The following KCNT2 variants were observed in gnomAD, a reference collection of about 807,000 sequenced individuals.
KCNT2 encodes the protein potassium channel subfamily T member 2.
In KCNT2, 67 loss-of-function variants were observed where a neutral mutation model predicts 153.8. The observed-to-expected ratio is 0.44, with a 90% CI of 0.36 to 0.53. KCNT2 has a LOEUF of 0.53. Among genes scored for constraint, KCNT2 ranks in the 20% least tolerant of loss-of-function variants. The pLI is 0.00. For synonymous variants in KCNT2, 500 were observed against 458.8 expected (o/e 1.09, Z -1.15); for missense variants, 975 against 1,354.8 (o/e 0.72, Z 4.40).
chr1:196,559,549 T>G (rs1401687037), intron 1 of KCNT2, among the ~76,000 whole-genome samples: 2 of 151,758 alleles, frequency 1.3e-5, no homozygotes, highest in Admixed American at 6.6e-5. Flanking sequence ...CAAATCTTTT[T>G]GCAAAGGGTT....
At chr1:196,310,213 C>T (rs138536968) in intron 21 of KCNT2, among the ~76,000 whole-genome samples, 1 of 151,774 alleles carries the variant, frequency 6.6e-6, no homozygotes, top group East Asian at 1.9e-4. Context: ...TTCTGATTTG[C>T]CATGGTAGCT....
intron 14 of KCNT2, among the ~76,000 whole-genome samples, chr1:196,369,002 C>G (rs1363150332): frequency 6.6e-6 from 1 of 152,088 alleles, no homozygotes; most frequent in Non-Finnish European, 1.5e-5. Context: ...ACACTCATAT[C>G]TAATCAGTGG....
At chr1:196,326,385 G>A (rs913177068) in intron 19 of KCNT2, among the ~76,000 whole-genome samples, 3 of 152,050 alleles carry the variant, frequency 2.0e-5, no homozygotes, top group African/African-American at 7.2e-5. Flanking sequence ...AGTTTTGGCA[G>A]AGATTTGTCA....
At chr1:196,313,120 A>G (rs1662351774) in intron 21 of KCNT2, among the ~76,000 whole-genome samples, 1 of 151,722 alleles carries the variant, frequency 6.6e-6, no homozygotes, top group African/African-American at 2.4e-5. Context: ...GACTGATCAT[A>G]GATTTGAATC....
chr1:196,529,482 ATCT>A (rs1654666986), intron 1 of KCNT2, among the ~76,000 whole-genome samples: 1 of 152,138 alleles, frequency 6.6e-6, no homozygotes, highest in East Asian at 1.9e-4. Context: ...AGACATTATG[ATCT>A]TCTGCTCAGA....
intron 8 of KCNT2, among the ~76,000 whole-genome samples, chr1:196,455,473 A>G (rs1676582317): frequency 6.6e-6 from 1 of 151,938 alleles, no homozygotes; most frequent in Non-Finnish European, 1.5e-5. Flanking sequence ...TTTTTTTCTA[A>G]TATTTTAATC....
intron 8 of KCNT2, among the ~76,000 whole-genome samples, chr1:196,459,906 G>A (rs1352751702): frequency 6.6e-6 from 1 of 151,682 alleles, no homozygotes; most frequent in Non-Finnish European, 1.5e-5. Context: ...CCAAATCAGG[G>A]AAACTGATTT....
At chr1:196,458,992 C>T (rs1015994079) in intron 8 of KCNT2, among the ~76,000 whole-genome samples, 1 of 151,782 alleles carries the variant, frequency 6.6e-6, no homozygotes, top group Non-Finnish European at 1.5e-5. Context: ...TCAGTGAATA[C>T]CAATTAAATT....
chr1:196,578,386 C>A (rs1661623399), intron 1 of KCNT2, among the ~76,000 whole-genome samples: 1 of 152,120 alleles, frequency 6.6e-6, no homozygotes, highest in Admixed American at 6.6e-5. Context: ...AGGATTGGTG[C>A]AAAAAATAGA....
chr1:196,258,434 G>A lies in KCNT2; in HGVS notation c.2971C>T (p.His991Tyr). The A allele has an allele frequency of 6.2e-7, 1 of 1,613,736 alleles. No homozygotes were observed. Among genetic ancestry groups the A allele is most frequent in the Non-Finnish European group, 8.5e-7 (1 of 1,179,940 alleles). The change falls in exon 26 of 28, where the codon CAC (histidine) becomes TAC (tyrosine). Residue 991 changes from histidine (H) to tyrosine (Y), a missense_variant. Physicochemically the swap from His to Tyr is moderately conservative, Grantham distance 83 (BLOSUM62 2). Around this residue, in one of 6 missense-constraint regions of KCNT2, gnomAD observed 241 missense variants for 271.1 expected, o/e 0.89. Coordinates refer to ENST00000294725, the MANE Select transcript of KCNT2 (RefSeq NM_198503.5). ...EDTKDSKEQG[H>Y]HRSNHRNSTS... The stretch of plus-strand genomic sequence containing the variant: ...GAGTTGCGGTGGTTGCTGCGGTGGT[G>A]CCCTTGTTCTTTGGAGTCTTTGGTG...
chr1:196,466,361 C>T (rs931002364), intron 7 of KCNT2, among the ~76,000 whole-genome samples: 1 of 151,976 alleles, frequency 6.6e-6, no homozygotes, highest in Non-Finnish European at 1.5e-5. Flanking sequence ...CACACTCTCC[C>T]ACCCTTTGGC....
In KCNT2 at chr1:196,267,004, C is replaced by T. The variant is rs537850042; in HGVS notation, c.2911-8510G>A. Among the ~76,000 whole-genome samples the T allele has an allele frequency of 4.5e-4, 68 of 152,280 alleles. 1 individual carries two copies. The highest frequency in any genetic ancestry group is 1.5e-3 in the African/African-American group (63 of 41,568). ...TATGCCTCTGTAACAACACAGATCCCGATCCCCACAGTTACAGGGAAAGGC... is the reference window on the plus strand; with the variant it reads ...TATGCCTCTGTAACAACACAGATCCTGATCCCCACAGTTACAGGGAAAGGC... On this transcript the variant is annotated intron_variant, in intron 25 of 27. Coordinates refer to ENST00000294725, the MANE Select transcript of KCNT2 (RefSeq NM_198503.5).
At chr1:196,359,240 T>G (rs1667424628) in intron 14 of KCNT2, among the ~76,000 whole-genome samples, 1 of 151,966 alleles carries the variant, frequency 6.6e-6, no homozygotes, top group Non-Finnish European at 1.5e-5. Context: ...GGACTGGCAT[T>G]TTGTCTTACT....
intron 26 of KCNT2, among the ~76,000 whole-genome samples, chr1:196,247,597 T>A (rs972689538): frequency 2.0e-5 from 3 of 152,168 alleles, no homozygotes; most frequent in Non-Finnish European, 4.4e-5. Flanking sequence ...AAACATATCC[T>A]TCTTCACATG....
chr1:196,602,647 A>C (rs1664851354), intron 1 of KCNT2, among the ~76,000 whole-genome samples: 1 of 152,058 alleles, frequency 6.6e-6, no homozygotes, highest in Non-Finnish European at 1.5e-5. Context: ...AAAGAAAAGA[A>C]CCTTGTGTGT....
At chr1:196,608,124 C>G in intron 1 of KCNT2, 91 bp downstream of exon 1, 1 of 1,145,774 alleles carries the variant, frequency 8.7e-7, no homozygotes, top group Non-Finnish European at 1.3e-6. Flanking sequence ...GCTCCGTTTT[C>G]CTTTTCTCCC....
chr1:196,344,129 C>G (rs1665931911), intron 14 of KCNT2, among the ~76,000 whole-genome samples: 1 of 152,164 alleles, frequency 6.6e-6, no homozygotes. Context: ...GATTCTTTAT[C>G]TCTTCAGTGA....
chr1:196,407,995 A>G (rs1157666711), intron 12 of KCNT2, among the ~76,000 whole-genome samples: 1 of 151,166 alleles, frequency 6.6e-6, no homozygotes, highest in Non-Finnish European at 1.5e-5. Context: ...TAGAACGTTT[A>G]TTTTAGAAAA....
chr1:196,351,719 T>G (rs1393233447), intron 14 of KCNT2, among the ~76,000 whole-genome samples: 1 of 152,128 alleles, frequency 6.6e-6, no homozygotes, highest in Non-Finnish European at 1.5e-5. Flanking sequence ...CTAATTGCCC[T>G]GGCCAGAACT....
Sources: allele counts gnomAD v4.1 joint callset (sites outside exome capture counted in the v4.1 genomes callset), GRCh38; gene constraint gnomAD v4.1.1; regional missense constraint gnomAD v4.1.1; transcripts MANE v1.5; gene names NCBI Gene and HGNC (gene_info 2026-07-23, HGNC 2026-07-21).